Variants in SPTBN4 observed in about 807,000 individuals in gnomAD.
SPTBN4 encodes spectrin beta, non-erythrocytic 4.
In SPTBN4, 96 loss-of-function variants were observed where a neutral mutation model predicts 277.8. The observed-to-expected ratio is 0.35, with a 90% CI of 0.29 to 0.41. The LOEUF (loss-of-function observed/expected upper bound fraction) is 0.41, where lower values mean the gene tolerates loss of function less well. Among genes scored for constraint, SPTBN4 ranks in the 10% least tolerant of loss-of-function variants. The pLI is 1.00. For missense variants in SPTBN4, 3,006 were observed against 3,595.7 expected (o/e 0.84, Z 4.19); for synonymous variants, 1,481 against 1,580.3 (o/e 0.94, Z 1.49).
chr19:40,512,399 A>G (rs1472539528), intron 13 of SPTBN4, among the ~76,000 whole-genome samples: 1 of 152,208 alleles, frequency 6.6e-6, no homozygotes. Context: ...AGTCAGGGCT[A>G]GGATGGGGAA....
At chr19:40,470,623 T>C (rs2079873844) in intron 1 of SPTBN4, among the ~76,000 whole-genome samples, 1 of 148,162 alleles carries the variant, frequency 6.7e-6, no homozygotes, top group Non-Finnish European at 1.5e-5. Flanking sequence ...CTTTAAATTT[T>C]TCTTCTTCTT....
chr19:40,568,024 G>C lies in SPTBN4; in HGVS notation c.6698G>C (p.Arg2233Pro). The change falls in exon 31 of 36, where the codon CGC becomes CCC. Residue 2233 changes from arginine (R) to proline (P), a missense_variant. Arg to Pro is a moderately radical substitution (Grantham distance 103, BLOSUM62 -2). Around this residue, in one of 5 missense-constraint regions of SPTBN4, gnomAD observed 630 missense variants for 677.6 expected, o/e 0.93. Coordinates refer to ENST00000598249, the MANE Select transcript of SPTBN4 (RefSeq NM_020971.3). ...AAEQVRPRPE[R>P]QESADRAEEL... Reference sequence around the variant, plus strand: ...GAGCAGGTGCGGCCACGACCGGAGCGCCAGGAGTCAGCTGATCGCGCGGAG... The same window carrying C: ...GAGCAGGTGCGGCCACGACCGGAGCCCCAGGAGTCAGCTGATCGCGCGGAG... 3.9e-6 allele frequency: 6 copies of C among 1,543,878 alleles called. No homozygotes were observed. Among genetic ancestry groups the C allele is most frequent in the Non-Finnish European group, 4.4e-6 (5 of 1,145,726 alleles).
chr19:40,515,261 A>C lies in SPTBN4; in HGVS notation c.2766-50A>C, dbSNP rs1314490794. On this transcript the variant is annotated intron_variant, in intron 14 of 35. Transcript: ENST00000598249. The surrounding 1 kb of genome is among the most constrained non-coding windows in gnomAD (Gnocchi z 4.1). The stretch of plus-strand genomic sequence containing the variant: ...AGAACCAGTAGAAGGTATTTCATAA[A>C]ACCAAGGTCCGCAGGGTTCGGGTGT... 1.9e-6 allele frequency: 3 copies of C among 1,585,518 alleles called. No homozygotes were observed. The highest frequency in any genetic ancestry group is 1.8e-5 in the Admixed American group (1 of 54,406).
Position 40,554,794 on chromosome 19 carries a change from G to T in SPTBN4, c.5084+148G>T. ...GAGCCCTCGAATTTGGCAAGTGGGC[G>T]GGCCGGAATGGGGGGACACGGCTCA... On this transcript the variant is annotated intron_variant, in intron 24 of 35. Coordinates refer to ENST00000598249, the MANE Select transcript of SPTBN4 (RefSeq NM_020971.3). This position sits in a 1 kb window ranked among gnomAD's most constrained non-coding sequence, Gnocchi z 5.7. 3 of 1,236,870 alleles carry T rather than the reference G, an allele frequency of 2.4e-6. No individual in the cohort carries two copies. Among genetic ancestry groups the T allele is most frequent in the Non-Finnish European group, 2.3e-6 (2 of 884,674 alleles). The allele number at this position is 1,236,870 out of a possible 1,614,324, so 76.6% of individuals were successfully genotyped here. A position where few individuals can be genotyped will look rare whatever the true frequency, so the allele number is the denominator to read the frequency against.
chr19:40,476,631 A>T (rs2079951092), intron 2 of SPTBN4, among the ~76,000 whole-genome samples: 1 of 152,166 alleles, frequency 6.6e-6, no homozygotes, highest in Non-Finnish European at 1.5e-5. Flanking sequence ...TCTGTCGCCC[A>T]GGCTGGAGGG....
intron 20 of SPTBN4, among the ~76,000 whole-genome samples, chr19:40,540,635 G>A (rs1281803170): frequency 2.6e-5 from 4 of 151,696 alleles, no homozygotes; most frequent in Non-Finnish European, 4.4e-5. Flanking sequence ...CAGGAGGATC[G>A]CTTGAGCCCA....
chr19:40,534,183 A>G lies in SPTBN4; in HGVS notation c.4199A>G (p.Gln1400Arg), dbSNP rs770808430. The change falls in exon 20 of 36, where the codon CAG (glutamine) becomes CGG (arginine). Residue 1400 changes from glutamine to arginine, a missense_variant. By Grantham distance (43) the Gln-to-Arg change is conservative. This residue lies in a region of SPTBN4 where 1,759 missense variants were observed against 2,061.5 expected (regional missense o/e 0.85). Transcript: ENST00000598249. The stretch of plus-strand genomic sequence containing the variant: ...TGGGCGGAGCTGGAGAGCACCACCC[A>G]GGCCAAGGCACGGCAGCTCTTTGAG... ...QCWAELESTT[Q>R]AKARQLFEAS... 2 of 1,613,950 alleles carry G rather than the reference A, an allele frequency of 1.2e-6. No homozygotes were observed. Among genetic ancestry groups the G allele is most frequent in the Admixed American group, 3.3e-5 (2 of 60,002 alleles).
intron 3 of SPTBN4, among the ~76,000 whole-genome samples, chr19:40,489,113 G>T (rs951724569): frequency 6.6e-6 from 1 of 150,566 alleles, no homozygotes; most frequent in Admixed American, 6.7e-5. Flanking sequence ...CAGGAGAATC[G>T]CTTGAACCCA....
chr19:40,550,147 C>A (rs1568369697), intron 21 of SPTBN4, 91 bp from the exon 22 acceptor site: 1 of 1,045,290 alleles, frequency 9.6e-7, no homozygotes, highest in African/African-American at 1.6e-5. Flanking sequence ...CAAGGAAGGG[C>A]CTGGGATGCC....
Position 40,502,215 on chromosome 19 carries a change from G to A in SPTBN4, c.985G>A (p.Val329Met), listed in dbSNP as rs749627882. 5.6e-6 allele frequency: 9 copies of A among 1,613,940 alleles called. No homozygotes were observed. Among genetic ancestry groups the A allele is most frequent in the East Asian group, 2.2e-5 (1 of 44,890 alleles). The change falls in exon 9 of 36, where the codon GTG becomes ATG. Residue 329 changes from valine to methionine, a missense_variant. This residue lies in a region of SPTBN4 where 1,759 missense variants were observed against 2,061.5 expected (regional missense o/e 0.85). Coordinates refer to ENST00000598249, the MANE Select transcript of SPTBN4 (RefSeq NM_020971.3). The surrounding 1 kb of genome is among the most constrained non-coding windows in gnomAD (Gnocchi z 4.9). ...GCTGCTGGCCTGGATCCACCGCACCGTGGGCCTCATCAGCAATCAGAAATT... is the reference window on the plus strand; with the variant it reads ...GCTGCTGGCCTGGATCCACCGCACCATGGGCCTCATCAGCAATCAGAAATT... ...AELLAWIHRT[V>M]GLISNQKFAN...
rs1370863198 is a variant in SPTBN4 at position 40,498,371 on chromosome 19, T to C, written c.784+767T>C. ...AGAATTTATCAACCCTGTTTTATTTTATTTTATTTATTTATTTATTTATTT... is the reference window on the plus strand; with the variant it reads ...AGAATTTATCAACCCTGTTTTATTTCATTTTATTTATTTATTTATTTATTT... On this transcript the variant is annotated intron_variant, in intron 7 of 35. Coordinates refer to ENST00000598249, the MANE Select transcript of SPTBN4 (RefSeq NM_020971.3). Among the ~76,000 whole-genome samples the C allele has an allele frequency of 2.1e-5, 3 of 142,592 alleles. No homozygotes were observed. The East Asian group carries it at 6.7e-4, about 32-fold the overall frequency. 93.5% of individuals were successfully genotyped at this position (142,592 alleles called of 152,430 possible).
chr19:40,551,394 C>T (rs2080916221), intron 22 of SPTBN4, among the ~76,000 whole-genome samples: 1 of 117,572 alleles, frequency 8.5e-6, no homozygotes, highest in African/African-American at 3.7e-5. Flanking sequence ...ATCTCTCTCT[C>T]TCTCTCACAC....
At chr19:40,499,470 G>C (rs1280060934) in intron 7 of SPTBN4, among the ~76,000 whole-genome samples, 3 of 152,120 alleles carry the variant, frequency 2.0e-5, no homozygotes, top group Non-Finnish European at 2.9e-5. Context: ...GCTCACTACA[G>C]CTTCAACCTC....
At chr19:40,484,346 G>T (rs1462694245) in intron 2 of SPTBN4, among the ~76,000 whole-genome samples, 1 of 152,186 alleles carries the variant, frequency 6.6e-6, no homozygotes, top group African/African-American at 2.4e-5. Flanking sequence ...AAACTTAATA[G>T]GAAACTTAAT....
chr19:40,525,800 A>G (rs1369059775), intron 17 of SPTBN4, among the ~76,000 whole-genome samples: 1 of 152,214 alleles, frequency 6.6e-6, no homozygotes, highest in Non-Finnish European at 1.5e-5. Context: ...AAGTCCAGGC[A>G]GAAAGGTCAG....
intron 27 of SPTBN4, among the ~76,000 whole-genome samples, chr19:40,562,793 C>T (rs1479227723): frequency 4.6e-5 from 7 of 151,676 alleles, no homozygotes; most frequent in African/African-American, 1.7e-4. Context: ...AAGATTGTGC[C>T]ATTGCACTCC....
chr19:40,568,385 C>CTG, intron 31 of SPTBN4, 103 bp downstream of exon 31: 1 of 1,414,880 alleles, frequency 7.1e-7, no homozygotes. Flanking sequence ...CAGAACTTCC[C>CTG]AAAGAAGGAG....
chr19:40,529,299 G>T (rs2080634144), intron 18 of SPTBN4, among the ~76,000 whole-genome samples, 168 bp downstream of exon 18: 1 of 152,208 alleles, frequency 6.6e-6, no homozygotes, highest in Non-Finnish European at 1.5e-5. Context: ...CGCATGCTCC[G>T]CAAGTCCCTG....
chr19:40,497,617 C>A lies in SPTBN4; in HGVS notation c.784+13C>A, dbSNP rs746976105. On this transcript the variant is annotated intron_variant, in intron 7 of 35. Coordinates refer to ENST00000598249, the MANE Select transcript of SPTBN4 (RefSeq NM_020971.3). Reference sequence around the variant, plus strand: ...CTGGATCCTGAAGGTGAGCCTCTCGCGGGCCCAGCCCAGACTTCGTCTTGG... The same window carrying A: ...CTGGATCCTGAAGGTGAGCCTCTCGAGGGCCCAGCCCAGACTTCGTCTTGG... 1.2e-6 allele frequency: 2 copies of A among 1,608,786 alleles called. No homozygotes were observed. The highest frequency in any genetic ancestry group is 1.7e-6 in the Non-Finnish European group (2 of 1,176,642).
Sources: allele counts gnomAD v4.1 joint callset (sites outside exome capture counted in the v4.1 genomes callset), GRCh38; gene constraint gnomAD v4.1.1; regional missense constraint gnomAD v4.1.1; non-coding constraint Gnocchi (gnomAD v3.1); transcripts MANE v1.5; gene names NCBI Gene and HGNC (gene_info 2026-07-23, HGNC 2026-07-21).